The following MEFV variants were observed in gnomAD, a reference collection of about 807,000 sequenced individuals.
MEFV encodes pyrin.
A neutral mutation model predicts 62.5 loss-of-function variants in MEFV; 60 were observed. The observed-to-expected ratio is 0.96, with a 90% CI of 0.78 to 1.19. The LOEUF is 1.19. Ranked by LOEUF, MEFV falls within the 50% of genes most tolerant of loss-of-function variation. The pLI, the probability that MEFV is intolerant of heterozygous loss-of-function variation, is 0.00. For missense variants in MEFV, 1,169 were observed against 1,004.5 expected, an observed-to-expected ratio of 1.16 and a Z score of -2.21; for synonymous variants, 500 against 415.2, an observed-to-expected ratio of 1.20 and a Z score of -2.48.
Position 3,246,517 on chromosome 16 carries a change from C to T in MEFV, c.1610+8G>A, listed in dbSNP as rs765410591. ...CACCCCAGGGTACACCACAGGACCT[C>T]GCTGTACCTGTGCAAGATGTCTCCA... On this transcript the variant is annotated splice_region_variant and intron_variant, in intron 6 of 9. Coordinates refer to ENST00000219596, the MANE Select transcript of MEFV (RefSeq NM_000243.3). 76 of 1,613,968 alleles carry T rather than the reference C, an allele frequency of 4.7e-5. 1 individual carries two copies. The Admixed American group carries it at 9.5e-4, about 20-fold the overall frequency.
In MEFV at chr16:3,254,446, T is replaced by C; in HGVS notation, c.622A>G (p.Ser208Gly). 6.2e-7 allele frequency: 1 copy of C among 1,609,350 alleles called. No homozygotes were observed. The highest frequency in any genetic ancestry group is 1.7e-4 in the Middle Eastern group (1 of 5,822). Residue 208 changes from serine to glycine, a missense_variant, in exon 2 of 10, where the codon AGC becomes GGC. Coordinates refer to ENST00000219596, the MANE Select transcript of MEFV (RefSeq NM_000243.3). ...QAEVRLRRNA[S>G]SAGRLQGLAG... Reference sequence around the variant, plus strand: ...AGCCCCTGCAGCCTCCCCGCGGAGCTGGCGTTTCTGCGCAGCCGGACCTCG... The same window carrying C: ...AGCCCCTGCAGCCTCCCCGCGGAGCCGGCGTTTCTGCGCAGCCGGACCTCG...
At position 3,249,086 on chromosome 16, in the gene MEFV, C is replaced by T. The variant is rs1464101819; in HGVS notation, c.1261-82G>A. The T allele has an allele frequency of 3.6e-6, 5 of 1,377,028 alleles. No homozygotes were observed. In the African/African-American group the frequency reaches 7.1e-5, roughly 20 times the overall value. 85.3% of individuals were successfully genotyped at this position (1,377,028 alleles called of 1,614,324 possible). A position where few individuals can be genotyped will look rare whatever the true frequency, so the allele number is the denominator to read the frequency against. On this transcript the variant is annotated intron_variant, in intron 3 of 9. Coordinates refer to ENST00000219596, the MANE Select transcript of MEFV (RefSeq NM_000243.3). ...GTGCCAACTCTGGAGGGGAACATCTCCTTCTGGTAGCAAGGCTGAGGGTGC... is the reference window on the plus strand; with the variant it reads ...GTGCCAACTCTGGAGGGGAACATCTTCTTCTGGTAGCAAGGCTGAGGGTGC...
At position 3,249,664 on chromosome 16, in the gene MEFV, G is replaced by T; in HGVS notation, c.1027C>A (p.Gln343Lys). Residue 343 changes from glutamine to lysine, a missense_variant, in exon 3 of 10, where the codon CAG becomes AAG. Gln to Lys is a moderately conservative substitution (Grantham distance 53, BLOSUM62 1). Coordinates refer to ENST00000219596, the MANE Select transcript of MEFV (RefSeq NM_000243.3). ...SFPEAVSGHP[Q>K]ASGSRSPGCP... Reference sequence around the variant, plus strand: ...CCAGGTGAGCGGCTGCCTGAGGCCTGGGGGTGCCCAGAAACTGCCTCGGGG... The same window carrying T: ...CCAGGTGAGCGGCTGCCTGAGGCCTTGGGGTGCCCAGAAACTGCCTCGGGG... 1 of 1,613,158 alleles carries T rather than the reference G, an allele frequency of 6.2e-7. No homozygotes were observed. Among genetic ancestry groups the T allele is most frequent in the African/African-American group, 1.3e-5 (1 of 75,046 alleles).
In MEFV at chr16:3,249,147, G is replaced by A. The variant is rs928771616; in HGVS notation, c.1261-143C>T. ...GGCATGGGGAGGGGTGCTCAGGAAA[G>A]AGGAGGGAGGAATGGCTGAATTGCC... On this transcript the variant is annotated intron_variant, in intron 3 of 9. Coordinates refer to ENST00000219596, the MANE Select transcript of MEFV (RefSeq NM_000243.3). The A allele has an allele frequency of 2.3e-5, 20 of 856,682 alleles. No homozygotes were observed. In the African/African-American group the frequency reaches 3.0e-4, roughly 13 times the overall value. 53.1% of individuals were successfully genotyped at this position (856,682 alleles called of 1,614,324 possible).
chr16:3,248,273 A>C (rs1219647942), intron 4 of MEFV, among the ~76,000 whole-genome samples: 1 of 150,318 alleles, frequency 6.7e-6, no homozygotes, highest in East Asian at 2.0e-4. Flanking sequence ...ACAAAACAAA[A>C]AAACAGAGAG....
At position 3,254,737 on chromosome 16, in the gene MEFV, C is replaced by A. The variant is rs112739451; in HGVS notation, c.331G>T (p.Gly111Trp). The A allele has an allele frequency of 6.2e-7, 1 of 1,612,890 alleles. No individual in the cohort carries two copies. The highest frequency in any genetic ancestry group is 2.2e-5 in the East Asian group (1 of 44,886). ...TDDSAASSSL[G>W]ENKPRSLKTP... ...TTCAGGCTCCTGGGCTTGTTCTCCC[C>A]CAGGGAGCTGGACGCTGCGGAATCA... is the stretch of plus-strand genomic sequence containing the variant. Residue 111 changes from glycine to tryptophan, a missense_variant, in exon 2 of 10, where the codon GGG becomes TGG. Coordinates refer to ENST00000219596, the MANE Select transcript of MEFV (RefSeq NM_000243.3).
At chr16:3,252,949 C>CAAAAAAA (rs5815167) in intron 2 of MEFV, among the ~76,000 whole-genome samples, 1 of 51,666 alleles carries the variant, frequency 1.9e-5, no homozygotes, top group Non-Finnish European at 3.4e-5. Context: ...GACTCTGTCT[C>CAAAAAAA]AAAAAAAAAA....
rs2141666475 is a variant in MEFV at position 3,244,590 on chromosome 16, T to C, written c.1611-2A>G. 1.2e-6 allele frequency: 2 copies of C among 1,611,988 alleles called. No homozygotes were observed. The highest frequency in any genetic ancestry group is 1.7e-6 in the Non-Finnish European group (2 of 1,178,370). ...TCAGGGACAGGCACTGTCTTAGCCC[T>C]AGAGACAAAAGACTGTTGACCAGAG... On this transcript the variant is annotated splice_acceptor_variant, in intron 6 of 9. Coordinates refer to ENST00000219596, the MANE Select transcript of MEFV (RefSeq NM_000243.3). LOFTEE classifies it high-confidence loss of function.
At chr16:3,248,772 T>C in intron 4 of MEFV, 137 bp downstream of exon 4, 1 of 1,574,892 alleles carries the variant, frequency 6.3e-7, no homozygotes, top group Non-Finnish European at 8.6e-7. Flanking sequence ...CCTTGGCTGC[T>C]GGTTACCCTC....
intron 2 of MEFV, among the ~76,000 whole-genome samples, chr16:3,252,355 C>T (rs941750740): frequency 6.6e-6 from 1 of 151,202 alleles, no homozygotes; most frequent in Non-Finnish European, 1.5e-5. Flanking sequence ...CTCACTGCAA[C>T]CTCTGCCTCC....
Position 3,254,366 on chromosome 16 carries a change from G to C in MEFV, c.702C>G (p.Pro234=). The change falls in exon 2 of 10, where the codon CCC becomes CCG. Residue 234 remains proline (P), a synonymous_variant. Transcript: ENST00000219596. The part of the protein sequence containing the change: ...KECRPFEVYL[P]SGKMRPRSLE... ...GGCTTCTAGGTCGCATCTTTCCCGA[G>C]GGCAGGTACACTTCGAAGGGCCTGC... 6.2e-7 allele frequency: 1 copy of C among 1,614,218 alleles called. No homozygotes were observed. The highest frequency in any genetic ancestry group is 1.1e-5 in the South Asian group (1 of 91,090).
chr16:3,247,657 G>T (rs944544031), intron 4 of MEFV: 2 of 220,774 alleles, frequency 9.1e-6, no homozygotes, highest in Non-Finnish European at 1.8e-5. Flanking sequence ...ATTTGGGCTG[G>T]GTGCATTGGC....
At position 3,246,681 on chromosome 16, in the gene MEFV, G is replaced by A. The variant is rs1256904948; in HGVS notation, c.1588-134C>T. On this transcript the variant is annotated intron_variant, in intron 5 of 9. Transcript: ENST00000219596. Reference sequence around the variant, plus strand: ...CAGGGCTCCCTGCCCTAGGGTGTCAGTGGAAGTGGAGCACCTTTCTTCAAG... The same window carrying A: ...CAGGGCTCCCTGCCCTAGGGTGTCAATGGAAGTGGAGCACCTTTCTTCAAG... The A allele has an allele frequency of 2.9e-5, 27 of 942,494 alleles. 1 individual carries two copies. The South Asian group carries it at 3.0e-4, about 10-fold the overall frequency. The allele number at this position is 942,494 out of a possible 1,614,324, so 58.4% of individuals were successfully genotyped here.
In MEFV at chr16:3,243,331, C is replaced by T. The variant is rs1442705774; in HGVS notation, c.2156G>A (p.Gly719Asp). Residue 719 changes from glycine to aspartate, a missense_variant, in exon 10 of 10, where the codon GGC becomes GAC. Transcript: ENST00000219596. ...TCCAACTCTGTAGTCCACGAAGATGCCCACACGCTTGGGAGGCTCCTTTAT... is the reference window on the plus strand; with the variant it reads ...TCCAACTCTGTAGTCCACGAAGATGTCCACACGCTTGGGAGGCTCCTTTAT... ...LLIKEPPKRV[G>D]IFVDYRVGSI... 3 of 1,614,064 alleles carry T rather than the reference C, an allele frequency of 1.9e-6. No individual in the cohort carries two copies. In the African/African-American group the frequency reaches 4.0e-5, roughly 22 times the overall value.
intron 1 of MEFV, 110 bp downstream of exon 1, chr16:3,256,201 G>A (rs11466017): frequency 3.1e-6 from 4 of 1,311,224 alleles, no homozygotes; most frequent in Admixed American, 2.0e-5. Context: ...TGGTAGACCT[G>A]AGACTCCCAA....
At position 3,243,492 on chromosome 16, in the gene MEFV, C is replaced by T; in HGVS notation, c.1995G>A (p.Trp665Ter). 6.2e-7 allele frequency: 1 copy of T among 1,614,112 alleles called. No individual in the cohort carries two copies. The change falls in exon 10 of 10, where the codon TGG (tryptophan) becomes TGA (stop). Residue 665 changes from tryptophan to a stop codon, truncating the protein, a stop_gained. Coordinates refer to ENST00000219596, the MANE Select transcript of MEFV (RefSeq NM_000243.3). LOFTEE classifies it low-confidence loss of function (END_TRUNC). ...WEVEVGDKTA[W>*]ILGACKTSIS... The stretch of plus-strand genomic sequence containing the variant: ...TGGATGTCTTGCAGGCTCCCAGGAT[C>T]CATGCTGTCTTGTCTCCAACCTCCA...
Position 3,250,558 on chromosome 16 carries a change from A to G in MEFV, c.911-778T>C, listed in dbSNP as rs186187500. Among the ~76,000 whole-genome samples the G allele has an allele frequency of 3.0e-4, 45 of 151,666 alleles. No individual in the cohort carries two copies. In the East Asian group the frequency reaches 7.0e-3, roughly 24 times the overall value. On this transcript the variant is annotated intron_variant, in intron 2 of 9. Coordinates refer to ENST00000219596, the MANE Select transcript of MEFV (RefSeq NM_000243.3). The stretch of plus-strand genomic sequence containing the variant: ...TAGGAGGTTGATGCTGCACCACTGC[A>G]CTCCAGCCTGGGCAACAGAGTAAGA...
intron 2 of MEFV, among the ~76,000 whole-genome samples, chr16:3,249,984 C>T (rs1310179121): frequency 6.6e-6 from 1 of 152,240 alleles, no homozygotes; most frequent in Non-Finnish European, 1.5e-5. Context: ...AAGGGCCAGA[C>T]CTCAGACATT....
chr16:3,254,070 A>G, intron 2 of MEFV, 88 bp downstream of exon 2: 1 of 1,469,014 alleles, frequency 6.8e-7, no homozygotes, highest in Admixed American at 1.9e-5. Context: ...GGCCTCCCAA[A>G]GCGCTGGGAT....
Sources: allele counts gnomAD v4.1 joint callset (sites outside exome capture counted in the v4.1 genomes callset), GRCh38; gene constraint gnomAD v4.1.1; transcripts MANE v1.5; gene names NCBI Gene and HGNC (gene_info 2026-07-23, HGNC 2026-07-21).